Variants in KAZN observed in about 807,000 individuals in gnomAD.
KAZN encodes the protein kazrin, periplakin interacting protein, also known as kazrin.
KAZN carries 40 observed loss-of-function variants against 87.4 expected under a neutral mutation model. The ratio of observed to expected loss-of-function variants is 0.46; its 90% CI spans 0.36 to 0.60. The LOEUF (loss-of-function observed/expected upper bound fraction) is 0.60. Among genes scored for constraint, KAZN ranks in the 20% least tolerant of loss-of-function variants. The pLI is 0.00. For synonymous variants in KAZN, 466 were observed against 458.3 expected (o/e 1.02, Z -0.22); for missense variants, 898 against 1,073.9 (o/e 0.84, Z 2.29).
intron 1 of KAZN, among the ~76,000 whole-genome samples, chr1:14,687,567 T>TTAGAAGAAC (rs1641026570): frequency 6.6e-6 from 1 of 152,262 alleles, no homozygotes; most frequent in South Asian, 2.1e-4. Context: ...CAGAGGTGCA[T>TTAGAAGAAC]TAGAAGAACT....
intron 2 of KAZN, among the ~76,000 whole-genome samples, chr1:14,993,557 G>A (rs1667562126): frequency 6.6e-6 from 1 of 151,966 alleles, no homozygotes; most frequent in South Asian, 2.1e-4. Context: ...CTGCAGACCT[G>A]GTCCCAGCCC....
intron 13 of KAZN, among the ~76,000 whole-genome samples, chr1:15,110,231 G>A (rs1219804424): frequency 1.3e-5 from 2 of 148,712 alleles, no homozygotes; most frequent in Non-Finnish European, 3.0e-5. Context: ...GTTTGTGTAT[G>A]TGTATATATG....
At chr1:14,939,866 A>C (rs1660857387) in intron 1 of KAZN, among the ~76,000 whole-genome samples, 1 of 152,158 alleles carries the variant, frequency 6.6e-6, no homozygotes, top group Admixed American at 6.5e-5. Flanking sequence ...AGACTATCAC[A>C]TGAACCCCAG....
At chr1:15,049,893 A>G (rs10927661) in intron 4 of KAZN, among the ~76,000 whole-genome samples, 53,448 of 151,838 alleles carry the variant, frequency 0.35, 11,608 homozygotes, top group East Asian at 0.74. Flanking sequence ...GCATGATGGC[A>G]GGCGCCTGTA....
rs1676699571 is a variant in KAZN, at chr1:14,598,831, T to C, written c.-167T>C. 7.3e-7 allele frequency: 1 copy of C among 1,374,742 alleles called. No homozygotes were observed. The highest frequency in any genetic ancestry group is 9.4e-7 in the Non-Finnish European group (1 of 1,068,476). The allele number at this position is 1,374,742 out of a possible 1,614,324, so 85.2% of individuals were successfully genotyped here. A position where few individuals can be genotyped will look rare whatever the true frequency, so the allele number is the denominator to read the frequency against. ...GCTAGGGCTGGAGGCGCCGCTGTCA[T>C]TCCTGTGCCGGAGGAACCGGCGCTG... On this transcript the variant is annotated 5_prime_UTR_variant, in exon 1 of 15. Coordinates refer to ENST00000376030, the MANE Select transcript of KAZN (RefSeq NM_201628.3). The surrounding 1 kb of genome is among the most constrained non-coding windows in gnomAD (Gnocchi z 4.2).
chr1:14,596,836 A>C (rs1358330808), upstream of KAZN, among the ~76,000 whole-genome samples: 1 of 152,224 alleles, frequency 6.6e-6, no homozygotes, highest in Non-Finnish European at 1.5e-5. Context: ...TCATCCAATC[A>C]TCTGTTGATG....
rs1407238346 is a variant in KAZN, at chr1:15,060,315, G to A, written c.1047+13G>A. The A allele has an allele frequency of 6.2e-7, 1 of 1,613,918 alleles. No individual in the cohort carries two copies. Among genetic ancestry groups the A allele is most frequent in the Non-Finnish European group, 8.5e-7 (1 of 1,179,928 alleles). Reference sequence around the variant, plus strand: ...CTCCCTCTGCAACGTAAGGCCAGCAGCAGCGGGGCCTGGGCCCCTGGGCCC... The same window carrying A: ...CTCCCTCTGCAACGTAAGGCCAGCAACAGCGGGGCCTGGGCCCCTGGGCCC... On this transcript the variant is annotated intron_variant, in intron 6 of 14. Coordinates refer to ENST00000376030, the MANE Select transcript of KAZN (RefSeq NM_201628.3).
chr1:14,790,697 T>C (rs956361918), intron 1 of KAZN, among the ~76,000 whole-genome samples: 1 of 152,154 alleles, frequency 6.6e-6, no homozygotes, highest in Non-Finnish European at 1.5e-5. Context: ...TCTCCTAGAA[T>C]TGGAGGAATC....
At chr1:14,961,756 T>C (rs1450231599) in intron 2 of KAZN, among the ~76,000 whole-genome samples, 5 of 152,202 alleles carry the variant, frequency 3.3e-5, no homozygotes, top group African/African-American at 1.2e-4. Context: ...ACTAGAACAA[T>C]GAATCCTCTT....
chr1:15,083,293 A>G (rs1035590908), intron 8 of KAZN, among the ~76,000 whole-genome samples: 5 of 152,124 alleles, frequency 3.3e-5, no homozygotes, highest in Admixed American at 3.3e-4. Context: ...TTCAGGGCAA[A>G]AATGGTGGAA....
intron 2 of KAZN, among the ~76,000 whole-genome samples, chr1:14,465,391 T>G: frequency 9.3e-6 from 1 of 108,066 alleles, no homozygotes; most frequent in Admixed American, 1.0e-4. Context: ...AGAGCGAGAC[T>G]CTGTCTCAAA....
intron 1 of KAZN, among the ~76,000 whole-genome samples, chr1:14,761,649 C>A (rs1428160940): frequency 2.0e-5 from 3 of 152,186 alleles, no homozygotes; most frequent in Non-Finnish European, 4.4e-5. Context: ...ACCTACAAAA[C>A]CCTAAATAAT....
intron 2 of KAZN, among the ~76,000 whole-genome samples, chr1:14,254,593 G>A (rs918292727): frequency 2.0e-5 from 3 of 151,978 alleles, no homozygotes; most frequent in East Asian, 3.9e-4. Flanking sequence ...TATGATGTCC[G>A]CCCAGAATTG....
chr1:14,982,737 C>T (rs1477296270), intron 2 of KAZN, among the ~76,000 whole-genome samples: 1 of 152,180 alleles, frequency 6.6e-6, no homozygotes, highest in Non-Finnish European at 1.5e-5. Flanking sequence ...CACCTGAGAT[C>T]TTGAAAGGGA....
intron 8 of KAZN, among the ~76,000 whole-genome samples, chr1:15,090,792 G>T (rs769450432): frequency 6.6e-6 from 1 of 152,216 alleles, no homozygotes; most frequent in Admixed American, 6.5e-5. Flanking sequence ...GAGTCCTCAC[G>T]GCAGCCCACA....
intron 4 of KAZN, among the ~76,000 whole-genome samples, chr1:15,051,465 C>A (rs959144739): frequency 6.6e-6 from 1 of 152,200 alleles, no homozygotes; most frequent in Non-Finnish European, 1.5e-5. Flanking sequence ...AGACAGTGGG[C>A]CAGACCGGAT....
intron 1 of KAZN, among the ~76,000 whole-genome samples, chr1:14,112,500 G>A (rs1315091310): frequency 6.6e-6 from 1 of 152,286 alleles, no homozygotes; most frequent in African/African-American, 2.4e-5. Context: ...TTTGTTGGGA[G>A]CATGGCAGAC....
chr1:13,978,721 A>G (rs1346613733), intron 1 of KAZN, among the ~76,000 whole-genome samples: 1 of 152,174 alleles, frequency 6.6e-6, no homozygotes, highest in Non-Finnish European at 1.5e-5. Flanking sequence ...AATGTTGAAA[A>G]GAGCTTAAGA....
At chr1:14,590,053 A>T (rs368587731) in intron 2 of KAZN, among the ~76,000 whole-genome samples, 2 of 152,186 alleles carry the variant, frequency 1.3e-5, no homozygotes, top group Admixed American at 6.5e-5. Context: ...CATCTTATGA[A>T]ACTCAGCTCC....
Sources: gnomAD v4.1 joint callset for allele counts (sites outside exome capture counted in the v4.1 genomes callset) on GRCh38, gnomAD v4.1.1 for gene constraint, Gnocchi (gnomAD v3.1) non-coding constraint, MANE v1.5 for transcripts, NCBI Gene and HGNC (gene_info 2026-07-23, HGNC 2026-07-21) for gene names.